GPC5: variants seen among roughly 807,000 people sequenced by gnomAD.
GPC5 encodes the protein glypican-5.
GPC5 carries 47 observed loss-of-function variants against 53.9 expected under a neutral mutation model. The observed-to-expected ratio is 0.87, with a 90% CI of 0.69 to 1.11. The LOEUF (loss-of-function observed/expected upper bound fraction) is 1.11. GPC5 is among the 50% of genes most tolerant of loss of function. The pLI is 0.00. For missense variants in GPC5, 748 were observed against 713.1 expected (o/e 1.05, Z -0.56); for synonymous variants, 286 against 263.3 (o/e 1.09, Z -0.84).
intron 6 of GPC5, among the ~76,000 whole-genome samples, chr13:92,137,430 T>C (rs2041793324): frequency 6.6e-6 from 1 of 152,210 alleles, no homozygotes; most frequent in Non-Finnish European, 1.5e-5. Flanking sequence ...CAGTTAATGT[T>C]ACTCCCATAT....
intron 7 of GPC5, among the ~76,000 whole-genome samples, chr13:92,554,509 A>G (rs933136942): frequency 5.3e-5 from 8 of 151,716 alleles, no homozygotes; most frequent in Admixed American, 4.0e-4. Context: ...TAAAAAAAAC[A>G]TAATAATCCA....
chr13:92,246,041 A>G (rs1298270824), intron 7 of GPC5, among the ~76,000 whole-genome samples: 1 of 150,502 alleles, frequency 6.6e-6, no homozygotes, highest in Admixed American at 6.6e-5. Context: ...TAAAAAAATC[A>G]TCGTATCACC....
intron 6 of GPC5, among the ~76,000 whole-genome samples, chr13:92,068,020 T>G (rs946414914): frequency 6.6e-6 from 1 of 151,958 alleles, no homozygotes; most frequent in Non-Finnish European, 1.5e-5. Flanking sequence ...AAGATTTGCC[T>G]GTTTTGGAAA....
At chr13:92,623,848 C>CTATT (rs66684933) in intron 7 of GPC5, among the ~76,000 whole-genome samples, 53,737 of 149,772 alleles carry the variant, frequency 0.36, 11,872 homozygotes, top group East Asian at 0.72. Context: ...CTGATAGTGT[C>CTATT]TATTTATTTA....
chr13:91,898,087 C>T (rs943972425), intron 5 of GPC5, among the ~76,000 whole-genome samples: 3 of 152,142 alleles, frequency 2.0e-5, no homozygotes, highest in Non-Finnish European at 1.5e-5. Flanking sequence ...AACCAGGTCC[C>T]AGTAAAATAC....
intron 7 of GPC5, among the ~76,000 whole-genome samples, chr13:92,747,296 T>G (rs758833059): frequency 1.1e-4 from 16 of 152,194 alleles, no homozygotes; most frequent in Non-Finnish European, 2.2e-4. Context: ...CTTAAAGCAT[T>G]GTCATTGCTT....
intron 6 of GPC5, among the ~76,000 whole-genome samples, chr13:91,952,963 C>A (rs1446905971): frequency 2.6e-5 from 4 of 152,034 alleles, no homozygotes; most frequent in African/African-American, 9.7e-5. Context: ...GGATTTAAAG[C>A]AGATAATTAG....
In GPC5 at chr13:91,571,821, GTA is replaced by G. The variant is rs1254778902; in HGVS notation, c.326-121359_326-121358del. On this transcript the variant is annotated intron_variant, in intron 2 of 7. Coordinates refer to ENST00000377067, the MANE Select transcript of GPC5 (RefSeq NM_004466.6). ...TATATATACACACACATACGTGTGTGTATATATACACATATACTTGTGTGTAT... is the reference window on the plus strand; with the variant it reads ...TATATATACACACACATACGTGTGTGTATATACACATATACTTGTGTGTAT... Among the ~76,000 whole-genome samples, 46 of 94,194 alleles carry G rather than the reference GTA, an allele frequency of 4.9e-4. 10 individuals carry two copies. Among genetic ancestry groups the G allele is most frequent in the South Asian group, 2.3e-3 (7 of 3,072 alleles). The allele number at this position is 94,194 out of a possible 152,430, so 61.8% of individuals were successfully genotyped here. A position where few individuals can be genotyped will look rare whatever the true frequency, so the allele number is the denominator to read the frequency against.
At chr13:91,672,638 A>G (rs1307482189) in intron 2 of GPC5, among the ~76,000 whole-genome samples, 4 of 152,200 alleles carry the variant, frequency 2.6e-5, no homozygotes, top group African/African-American at 9.6e-5. Flanking sequence ...GTTGATGGAA[A>G]TGTAAATTAG....
intron 2 of GPC5, among the ~76,000 whole-genome samples, chr13:91,518,275 C>T (rs759736118): frequency 1.4e-4 from 21 of 152,206 alleles, no homozygotes; most frequent in African/African-American, 3.9e-4. Flanking sequence ...GCAGGGGGAA[C>T]GTTTTAGCTC....
chr13:92,421,698 CAAAAAAAAAAAAAA>C (rs34055682), intron 7 of GPC5, among the ~76,000 whole-genome samples: 1 of 69,508 alleles, frequency 1.4e-5, no homozygotes, highest in Non-Finnish European at 2.6e-5. Context: ...GACTCCGTCT[CAAAAAAAAAAAAAA>C]AAAAAAAAGT....
intron 5 of GPC5, among the ~76,000 whole-genome samples, chr13:91,834,895 T>C (rs1309325763): frequency 3.3e-5 from 5 of 152,070 alleles, no homozygotes; most frequent in Non-Finnish European, 5.9e-5. Flanking sequence ...AATTGACAAA[T>C]GGGATCTAAT....
At chr13:92,526,670 A>G (rs1881294116) in intron 7 of GPC5, among the ~76,000 whole-genome samples, 4 of 152,034 alleles carry the variant, frequency 2.6e-5, no homozygotes, top group Admixed American at 2.6e-4. Context: ...TACCAAGGAA[A>G]GAATAGAAAC....
chr13:92,651,818 TAAA>T lies in GPC5; in HGVS notation c.1562-214461_1562-214459del, dbSNP rs142028154. ...AACTATTTTAAAATTAAAAGCTTAT[TAAA>T]AAGAAATTTAAAATGTGATTGATAA... On this transcript the variant is annotated intron_variant, in intron 7 of 7. Transcript: ENST00000377067. Among the ~76,000 whole-genome samples the T allele has an allele frequency of 0.024, 3,626 of 152,256 alleles. 378 individuals carry two copies. The East Asian group carries it at 0.32, about 14-fold the overall frequency.
At position 91,572,192 on chromosome 13, in the gene GPC5, C is replaced by CACACATATGTATATATACGTGTGTATAT. The variant is rs1566517520; in HGVS notation, c.326-120973_326-120972insGTATATACACATATGTATATATACGTGT. Reference sequence around the variant, plus strand: ...ATATGTATATATACGTGTGTATACACACACATATGTATATATACGTGTATA... The same window carrying CACACATATGTATATATACGTGTGTATAT: ...ATATGTATATATACGTGTGTATACACACACATATGTATATATACGTGTGTATATACACATATGTATATATACGTGTATA... On this transcript the variant is annotated intron_variant, in intron 2 of 7. Transcript: ENST00000377067. Among the ~76,000 whole-genome samples the CACACATATGTATATATACGTGTGTATAT allele has an allele frequency of 1.7e-3, 192 of 110,336 alleles. 13 individuals carry two copies. The highest frequency in any genetic ancestry group is 0.011 in the South Asian group (39 of 3,442). 72.4% of individuals were successfully genotyped at this position (110,336 alleles called of 152,430 possible). A position where few individuals can be genotyped will look rare whatever the true frequency, so the allele number is the denominator to read the frequency against.
chr13:91,977,308 G>A (rs1214756188), intron 6 of GPC5, among the ~76,000 whole-genome samples: 2 of 152,122 alleles, frequency 1.3e-5, no homozygotes, highest in East Asian at 3.9e-4. Flanking sequence ...ATACATGAGT[G>A]AAAATCAATG....
At chr13:91,978,604 G>A (rs753853362) in intron 6 of GPC5, among the ~76,000 whole-genome samples, 3 of 152,190 alleles carry the variant, frequency 2.0e-5, no homozygotes, top group Non-Finnish European at 4.4e-5. Flanking sequence ...GAGACACACA[G>A]GAAGACATCA....
chr13:92,150,220 A>T (rs983513720), intron 7 of GPC5, among the ~76,000 whole-genome samples: 11 of 151,964 alleles, frequency 7.2e-5, no homozygotes, highest in African/African-American at 2.4e-4. Context: ...ATGATTGCAC[A>T]CTTTGATCTA....
At chr13:92,752,199 C>A (rs1176227131) in intron 7 of GPC5, among the ~76,000 whole-genome samples, 1 of 152,076 alleles carries the variant, frequency 6.6e-6, no homozygotes. Context: ...CTGTGCTTTG[C>A]AGGAAGTTTA....
Sources: allele counts gnomAD v4.1 joint callset (sites outside exome capture counted in the v4.1 genomes callset), GRCh38; gene constraint gnomAD v4.1.1; transcripts MANE v1.5; gene names NCBI Gene and HGNC (gene_info 2026-07-23, HGNC 2026-07-21).